Variants in DHX57 observed in about 807,000 individuals in gnomAD.
DHX57 encodes the protein DExH-box helicase 57.
DHX57 carries 105 observed loss-of-function variants against 156.2 expected under a neutral mutation model. The observed-to-expected ratio is 0.67, with a 90% CI of 0.57 to 0.79. The LOEUF (loss-of-function observed/expected upper bound fraction) is 0.79. Ranked by LOEUF, DHX57 falls within the 30% of genes least tolerant of loss-of-function variation. The pLI, the probability that DHX57 is intolerant of heterozygous loss-of-function variation, is 0.00. For synonymous variants in DHX57, 704 were observed against 595.6 expected (o/e 1.18, Z -2.65); for missense variants, 1,847 against 1,661.9 (o/e 1.11, Z -1.94).
intron 12 of DHX57, among the ~76,000 whole-genome samples, 158 bp downstream of exon 12, chr2:38,842,847 G>T (rs1412015182): frequency 2.0e-5 from 3 of 152,110 alleles, no homozygotes; most frequent in Non-Finnish European, 4.4e-5. Context: ...TTCTAAATAT[G>T]TATCTGAACT....
chr2:38,811,046 A>G (rs1670218299), intron 21 of DHX57: 2 of 654,624 alleles, frequency 3.1e-6, no homozygotes, highest in Non-Finnish European at 5.7e-6. Flanking sequence ...CAGGTCCTGA[A>G]TCTTCATGTA....
chr2:38,864,230 T>G (rs1051981791), intron 2 of DHX57, among the ~76,000 whole-genome samples: 1 of 141,160 alleles, frequency 7.1e-6, no homozygotes, highest in Non-Finnish European at 1.5e-5. Flanking sequence ...CCCAATTATC[T>G]TTATTTCTGA....
chr2:38,854,210 A>G, intron 8 of DHX57, 32 bp from the exon 9 acceptor site: 2 of 1,598,676 alleles, frequency 1.3e-6, no homozygotes, highest in South Asian at 1.1e-5. Flanking sequence ...TAAATCATTA[A>G]TAAAATTTTC....
chr2:38,874,147 A>G (rs1247021643), intron 1 of DHX57, among the ~76,000 whole-genome samples: 1 of 151,778 alleles, frequency 6.6e-6, no homozygotes, highest in Non-Finnish European at 1.5e-5. Flanking sequence ...GCTGCAGTGC[A>G]GTGGTACGAT....
At chr2:38,855,598 T>C (rs1189605474) in intron 7 of DHX57, among the ~76,000 whole-genome samples, 1 of 152,178 alleles carries the variant, frequency 6.6e-6, no homozygotes, top group Non-Finnish European at 1.5e-5. Context: ...AAATATTTTA[T>C]AGGTATTAAT....
At chr2:38,864,627 C>A (rs141244730) in intron 2 of DHX57, among the ~76,000 whole-genome samples, 85 of 152,198 alleles carry the variant, frequency 5.6e-4, no homozygotes, top group Admixed American at 1.7e-3. Flanking sequence ...TTTCATTCTT[C>A]TTTGGATCAT....
Position 38,812,295 on chromosome 2 carries a change from A to G in DHX57, c.3681+1526T>C, listed in dbSNP as rs74740415. Among the ~76,000 whole-genome samples, 44 of 152,344 alleles carry G rather than the reference A, an allele frequency of 2.9e-4. No homozygotes were observed. In the East Asian group the frequency reaches 6.6e-3, roughly 23 times the overall value. The stretch of plus-strand genomic sequence containing the variant: ...TTAAAAGTACATTTCAAATGGTTTG[A>G]AAAGCATACAAATGCTAAGCAGAAA... On this transcript the variant is annotated intron_variant, in intron 21 of 23. Transcript: ENST00000457308.
chr2:38,858,634 G>A (rs563277330), intron 6 of DHX57, 27 bp downstream of exon 6: 35 of 1,590,656 alleles, frequency 2.2e-5, no homozygotes, highest in Admixed American at 9.0e-5. Flanking sequence ...GGGAGGCAAC[G>A]TTACTCATTC....
intron 9 of DHX57, among the ~76,000 whole-genome samples, chr2:38,849,999 T>C (rs1369613297): frequency 6.6e-6 from 1 of 152,230 alleles, no homozygotes; most frequent in Non-Finnish European, 1.5e-5. Flanking sequence ...TGATGAGCTC[T>C]CCCACTAGAA....
intron 12 of DHX57, among the ~76,000 whole-genome samples, chr2:38,840,947 T>C (rs1288299089): frequency 6.6e-6 from 1 of 152,094 alleles, no homozygotes; most frequent in Non-Finnish European, 1.5e-5. Flanking sequence ...GCCTCCTGAG[T>C]AGCTGGGACT....
chr2:38,838,099 T>C (rs1157328656), intron 12 of DHX57, 152 bp from the exon 13 acceptor site: 1 of 604,458 alleles, frequency 1.7e-6, no homozygotes, highest in Non-Finnish European at 2.9e-6. Context: ...AAATGAACTT[T>C]TTTCTTTTCT....
At chr2:38,811,496 GTTCAGTGCC>G (rs1670246151) in intron 21 of DHX57, 18 of 797,554 alleles carry the variant, frequency 2.3e-5, no homozygotes, top group South Asian at 2.1e-4. Context: ...TGGACCCAAG[GTTCAGTGCC>G]TTCTTCCTGG....
intron 21 of DHX57, among the ~76,000 whole-genome samples, chr2:38,813,142 G>C (rs1363324066): frequency 6.6e-6 from 1 of 152,002 alleles, no homozygotes; most frequent in African/African-American, 2.4e-5. Flanking sequence ...CACCATGCCT[G>C]GCTATTTTAC....
intron 1 of DHX57, among the ~76,000 whole-genome samples, chr2:38,874,259 T>A (rs1364075509): frequency 1.3e-5 from 2 of 152,004 alleles, no homozygotes; most frequent in East Asian, 3.9e-4. Context: ...CCAGCTACTT[T>A]AAACATTTTT....
rs149722872 is a variant in DHX57 at position 38,858,682 on chromosome 2, G to A, written c.1566C>T (p.Cys522=). ...KSVHAENGKI[C]KQFRMKQASR... ...CTACCTGTTTCATTCGGAACTGCTT[G>A]CAGATTTTACCATTTTCAGCATGTA... Residue 522 remains cysteine (C), a synonymous_variant, in exon 6 of 24, where the codon TGC becomes TGT. Coordinates refer to ENST00000457308, the MANE Select transcript of DHX57 (RefSeq NM_198963.3). The A allele has an allele frequency of 4.4e-5, 71 of 1,613,342 alleles. No homozygotes were observed. The African/African-American group carries it at 9.1e-4, about 21-fold the overall frequency.
At chr2:38,857,037 G>A (rs1168867367) in intron 6 of DHX57, 1 of 153,760 alleles carries the variant, frequency 6.5e-6, no homozygotes, top group Admixed American at 6.5e-5. Context: ...TTCCCAACAA[G>A]AGTCTCTATA....
intron 1 of DHX57, among the ~76,000 whole-genome samples, chr2:38,874,476 C>A (rs534430361): frequency 1.4e-5 from 2 of 141,886 alleles, no homozygotes; most frequent in East Asian, 2.1e-4. Flanking sequence ...CTGGCGCAGT[C>A]TCAGCTCACT....
At chr2:38,846,386 C>G (rs528057722) in intron 11 of DHX57, among the ~76,000 whole-genome samples, 103 of 151,924 alleles carry the variant, frequency 6.8e-4, no homozygotes, top group Non-Finnish European at 2.8e-4. Flanking sequence ...CTTCGGGAGG[C>G]AAGGCAGGAG....
At chr2:38,852,027 T>C (rs548995161) in intron 9 of DHX57, among the ~76,000 whole-genome samples, 2 of 152,142 alleles carry the variant, frequency 1.3e-5, no homozygotes, top group Non-Finnish European at 2.9e-5. Flanking sequence ...TTAATATTTA[T>C]TATTGTCTTG....
Sources: gnomAD v4.1 joint callset for allele counts (sites outside exome capture counted in the v4.1 genomes callset) on GRCh38, gnomAD v4.1.1 for gene constraint, MANE v1.5 for transcripts, NCBI Gene and HGNC (gene_info 2026-07-23, HGNC 2026-07-21) for gene names.